GALNT17: variants seen among roughly 807,000 people sequenced by gnomAD.
The protein encoded by GALNT17 is UDP-GalNAc:polypeptide N-acetylgalactosaminyltransferase-like 3.
GALNT17 carries 29 observed loss-of-function variants against 63.7 expected under a neutral mutation model. The observed-to-expected ratio is 0.46, with a 90% CI of 0.34 to 0.62. GALNT17 has a LOEUF of 0.62. Among genes scored for constraint, GALNT17 ranks in the 20% least tolerant of loss-of-function variants. GALNT17 has a pLI of 0.01. For synonymous variants in GALNT17, 305 were observed against 318.3 expected (o/e 0.96, Z 0.45); for missense variants, 603 against 799.6 (o/e 0.75, Z 2.97).
At chr7:71,476,178 G>C (rs1213706753) in intron 5 of GALNT17, among the ~76,000 whole-genome samples, 2 of 152,200 alleles carry the variant, frequency 1.3e-5, no homozygotes, top group African/African-American at 4.8e-5. Context: ...GAACACCCAG[G>C]AGTTCAAGGC....
At chr7:71,221,383 C>CTTTTT (rs33954579) in intron 1 of GALNT17, among the ~76,000 whole-genome samples, 5 of 110,868 alleles carry the variant, frequency 4.5e-5, no homozygotes, top group East Asian at 2.6e-4. Context: ...TACAGCCATG[C>CTTTTT]TTTTTTTTTT....
intron 5 of GALNT17, among the ~76,000 whole-genome samples, chr7:71,482,665 C>T (rs771376651): frequency 6.6e-6 from 1 of 152,116 alleles, no homozygotes; most frequent in African/African-American, 2.4e-5. Flanking sequence ...TGTACCTAAG[C>T]ATACCTAAAC....
At chr7:71,231,529 G>A (rs1583782092) in intron 1 of GALNT17, among the ~76,000 whole-genome samples, 2 of 152,126 alleles carry the variant, frequency 1.3e-5, no homozygotes, top group East Asian at 3.9e-4. Flanking sequence ...TAGACTGAGT[G>A]GCTTAAACGA....
intron 1 of GALNT17, among the ~76,000 whole-genome samples, chr7:71,261,503 G>A (rs1237516146): frequency 6.6e-6 from 1 of 152,210 alleles, no homozygotes. Context: ...AGGGAGAATG[G>A]CAGAATTATA....
In GALNT17 at chr7:71,421,078, A is replaced by T; in HGVS notation, c.935A>T (p.Asp312Val). 1 of 1,614,006 alleles carries T rather than the reference A, an allele frequency of 6.2e-7. No homozygotes were observed. The highest frequency in any genetic ancestry group is 1.1e-5 in the South Asian group (1 of 91,072). Residue 312 changes from aspartate (D) to valine (V), a missense_variant, in exon 5 of 11, where the codon GAC (aspartate) becomes GTC (valine). By Grantham distance (152) the Asp-to-Val change is radical. Coordinates refer to ENST00000333538, the MANE Select transcript of GALNT17 (RefSeq NM_022479.3). ...ATCAGCCCCCCAAAAGACTGGTGGG[A>T]CGCCGGAGACCCTTCTCTCCCCATC... The part of the protein sequence containing the change: ...MYISPPKDWW[D>V]AGDPSLPIRT...
chr7:71,232,987 T>C (rs1037777405), intron 1 of GALNT17, among the ~76,000 whole-genome samples: 1 of 152,158 alleles, frequency 6.6e-6, no homozygotes, highest in African/African-American at 2.4e-5. Context: ...TCACACATAT[T>C]GTCTCCTTTA....
chr7:71,262,674 ACTTT>A (rs1487568544), intron 1 of GALNT17, among the ~76,000 whole-genome samples: 2 of 133,844 alleles, frequency 1.5e-5, no homozygotes, highest in African/African-American at 2.7e-5. Flanking sequence ...CTTTTTTTTT[ACTTT>A]CTTTTTTTTT....
intron 6 of GALNT17, among the ~76,000 whole-genome samples, chr7:71,581,343 A>G (rs1789632558): frequency 6.6e-6 from 1 of 152,058 alleles, no homozygotes; most frequent in Admixed American, 6.6e-5. Context: ...TATTTTTAGT[A>G]GAGATGAGGT....
intron 9 of GALNT17, 134 bp from the exon 10 acceptor site, chr7:71,710,627 A>T: frequency 9.8e-7 from 1 of 1,017,172 alleles, no homozygotes; most frequent in Non-Finnish European, 1.4e-6. Context: ...CCTGAGTGAC[A>T]GGCTGGGATG....
chr7:71,412,852 G>A (rs1793455003), intron 3 of GALNT17, among the ~76,000 whole-genome samples: 1 of 152,094 alleles, frequency 6.6e-6, no homozygotes, highest in Non-Finnish European at 1.5e-5. Flanking sequence ...AGACCAGCAG[G>A]GCCAACATAG....
intron 1 of GALNT17, among the ~76,000 whole-genome samples, chr7:71,290,348 C>T (rs530951365): frequency 8.9e-4 from 136 of 152,224 alleles, no homozygotes; most frequent in Non-Finnish European, 1.6e-3. Context: ...TTTGTCCAGG[C>T]GGGATGCTCA....
Position 71,619,445 on chromosome 7 carries a change from A to G in GALNT17, c.1081-45966A>G, listed in dbSNP as rs180748927. On this transcript the variant is annotated intron_variant, in intron 6 of 10. Coordinates refer to ENST00000333538, the MANE Select transcript of GALNT17 (RefSeq NM_022479.3). ...ATGAGCATAGAATGCTTTTCCATTT[A>G]TTTCTGTCATCTCTGGTTTCTTTCA... Among the ~76,000 whole-genome samples the G allele has an allele frequency of 3.9e-5, 6 of 152,112 alleles. No homozygotes were observed. The East Asian group carries it at 1.2e-3, about 29-fold the overall frequency.
At chr7:71,624,824 T>C (rs1790347636) in intron 6 of GALNT17, among the ~76,000 whole-genome samples, 1 of 152,200 alleles carries the variant, frequency 6.6e-6, no homozygotes. Flanking sequence ...GAGGACGGCA[T>C]TGTTTTAACC....
chr7:71,315,283 G>T (rs138169658), intron 1 of GALNT17, among the ~76,000 whole-genome samples: 1 of 152,284 alleles, frequency 6.6e-6, no homozygotes, highest in African/African-American at 2.4e-5. Flanking sequence ...GCTGATGGAC[G>T]TGTGGGTTGT....
chr7:71,423,246 C>T (rs975438300), intron 5 of GALNT17, among the ~76,000 whole-genome samples: 2 of 152,202 alleles, frequency 1.3e-5, no homozygotes, highest in African/African-American at 4.8e-5. Context: ...GGGACCCTGC[C>T]CTTCTCTACC....
intron 1 of GALNT17, among the ~76,000 whole-genome samples, chr7:71,195,568 G>A (rs1789033344): frequency 6.6e-6 from 1 of 151,582 alleles, no homozygotes; most frequent in Admixed American, 6.6e-5. Context: ...TTTTTGTAGA[G>A]TTGGGATCTC....
At chr7:71,529,172 T>C (rs1395953729) in intron 5 of GALNT17, among the ~76,000 whole-genome samples, 3 of 151,814 alleles carry the variant, frequency 2.0e-5, no homozygotes, top group African/African-American at 7.3e-5. Context: ...ATGAAAAAAT[T>C]ACATTACCAA....
At chr7:71,360,026 G>A (rs889636999) in intron 2 of GALNT17, among the ~76,000 whole-genome samples, 4 of 152,086 alleles carry the variant, frequency 2.6e-5, no homozygotes, top group African/African-American at 7.2e-5. Flanking sequence ...AGTGTAGACA[G>A]CTACATTAAA....
chr7:71,286,079 A>C (rs1216757355), intron 1 of GALNT17, among the ~76,000 whole-genome samples: 2 of 152,204 alleles, frequency 1.3e-5, no homozygotes, highest in African/African-American at 4.8e-5. Context: ...ACTATAACAC[A>C]AGGAAAACTG....
Sources: gnomAD v4.1 joint callset for allele counts (sites outside exome capture counted in the v4.1 genomes callset) on GRCh38, gnomAD v4.1.1 for gene constraint, MANE v1.5 for transcripts, NCBI Gene and HGNC (gene_info 2026-07-23, HGNC 2026-07-21) for gene names.